Variants in POLR3B observed in about 807,000 individuals in gnomAD.
The protein encoded by POLR3B is RNA polymerase III subunit B, also known as DNA-directed RNA polymerase III subunit RPC2.
A neutral mutation model predicts 147.4 loss-of-function variants in POLR3B; 96 were observed. The ratio of observed to expected loss-of-function variants is 0.65; its 90% confidence interval spans 0.55 to 0.77. POLR3B has a LOEUF of 0.77. POLR3B is among the 30% of genes least tolerant of loss of function. The pLI is 0.00. For missense variants in POLR3B, 1,036 were observed against 1,413.5 expected (o/e 0.73, Z 4.28); for synonymous variants, 461 against 485.9 (o/e 0.95, Z 0.67).
chr12:106,379,940 C>A (rs555232960), intron 8 of POLR3B, 91 bp from the exon 9 acceptor site: 2 of 761,570 alleles, frequency 2.6e-6, no homozygotes, highest in East Asian at 2.6e-5. Flanking sequence ...ATCAGTTGAC[C>A]CTTATTGATT....
intron 23 of POLR3B, among the ~76,000 whole-genome samples, chr12:106,469,839 C>G (rs1377644271): frequency 1.3e-5 from 2 of 152,164 alleles, no homozygotes; most frequent in Non-Finnish European, 2.9e-5. Context: ...TAATGGGGTT[C>G]CCTTTGTGGG....
intron 21 of POLR3B, among the ~76,000 whole-genome samples, chr12:106,458,240 A>G (rs7139249): frequency 0.39 from 59,397 of 151,396 alleles, 13,741 homozygotes; most frequent in African/African-American, 0.65. Flanking sequence ...TCCCACTTCA[A>G]CCTCCTGTAT....
chr12:106,386,882 G>C (rs60817807), intron 9 of POLR3B, among the ~76,000 whole-genome samples: 4,080 of 151,674 alleles, frequency 0.027, 174 homozygotes, highest in African/African-American at 0.095. Context: ...ACTGCAGCCT[G>C]GGCAACAGAG....
At chr12:106,377,476 A>G (rs757166396) in intron 7 of POLR3B, among the ~76,000 whole-genome samples, 1 of 152,166 alleles carries the variant, frequency 6.6e-6, no homozygotes, top group South Asian at 2.1e-4. Flanking sequence ...ACTTTATCCT[A>G]CTCTGAATTG....
At chr12:106,449,244 G>A (rs1439037001) in intron 19 of POLR3B, among the ~76,000 whole-genome samples, 1 of 152,186 alleles carries the variant, frequency 6.6e-6, no homozygotes, top group Non-Finnish European at 1.5e-5. Context: ...GTTTGACTAA[G>A]TTTTGACTAC....
At chr12:106,421,142 T>G (rs2037368748) in intron 12 of POLR3B, among the ~76,000 whole-genome samples, 2 of 152,142 alleles carry the variant, frequency 1.3e-5, no homozygotes, top group African/African-American at 4.8e-5. Context: ...TGTTTTCCAT[T>G]GTGTCAAGAT....
chr12:106,427,372 C>T lies in POLR3B; in HGVS notation c.1263+14C>T, dbSNP rs1173587370. 3 of 1,608,742 alleles carry T rather than the reference C, an allele frequency of 1.9e-6. No homozygotes were observed. Among genetic ancestry groups the T allele is most frequent in the Non-Finnish European group, 2.6e-6 (3 of 1,175,442 alleles). On this transcript the variant is annotated intron_variant, in intron 13 of 27. Transcript: ENST00000228347. ...GCTATTTCTACCGTAAGTCTTCAGTCACTCTTTTAGGATTTTGTAATTTAT... is the reference window on the plus strand; with the variant it reads ...GCTATTTCTACCGTAAGTCTTCAGTTACTCTTTTAGGATTTTGTAATTTAT...
At chr12:106,475,237 G>A (rs1359264902) in intron 23 of POLR3B, among the ~76,000 whole-genome samples, 1 of 117,634 alleles carries the variant, frequency 8.5e-6, no homozygotes, top group Non-Finnish European at 1.7e-5. Flanking sequence ...GAGATAGTTT[G>A]TTATAATTTC....
intron 19 of POLR3B, chr12:106,446,293 T>C: frequency 2.2e-6 from 1 of 455,828 alleles, no homozygotes; most frequent in South Asian, 1.5e-5. Context: ...AATGCCACTC[T>C]TCAGTGTGTT....
At chr12:106,360,267 A>G (rs1010800746) in intron 1 of POLR3B, among the ~76,000 whole-genome samples, 4 of 152,144 alleles carry the variant, frequency 2.6e-5, no homozygotes, top group Non-Finnish European at 4.4e-5. Context: ...ATCTCTGCCT[A>G]TTGCTCTTAG....
intron 6 of POLR3B, among the ~76,000 whole-genome samples, chr12:106,372,504 AT>A (rs999953206): frequency 4.0e-5 from 6 of 149,044 alleles, no homozygotes; most frequent in Non-Finnish European, 4.5e-5. Context: ...CGCCTGGCTA[AT>A]TTTTTTTTTA....
At chr12:106,452,867 A>G (rs1171442771) in intron 19 of POLR3B, among the ~76,000 whole-genome samples, 1 of 152,216 alleles carries the variant, frequency 6.6e-6, no homozygotes, top group Non-Finnish European at 1.5e-5. Context: ...CATAAAAAGT[A>G]TAATAGAATT....
At chr12:106,416,120 T>C (rs781058509) in intron 12 of POLR3B, among the ~76,000 whole-genome samples, 3 of 152,190 alleles carry the variant, frequency 2.0e-5, no homozygotes, top group Non-Finnish European at 4.4e-5. Context: ...TATAAAGGTG[T>C]GGTTTGCTGT....
chr12:106,391,354 C>G (rs905314021), intron 9 of POLR3B, among the ~76,000 whole-genome samples: 3 of 152,160 alleles, frequency 2.0e-5, no homozygotes, highest in African/African-American at 7.2e-5. Context: ...TACGTGCCAC[C>G]TTCACATTTT....
intron 9 of POLR3B, among the ~76,000 whole-genome samples, chr12:106,386,799 C>T (rs554117953): frequency 6.6e-6 from 1 of 151,948 alleles, no homozygotes; most frequent in Non-Finnish European, 1.5e-5. Context: ...CCCAGCTACT[C>T]AGGAGGCTGA....
At chr12:106,420,519 A>G (rs1215503678) in intron 12 of POLR3B, among the ~76,000 whole-genome samples, 8 of 152,176 alleles carry the variant, frequency 5.3e-5, no homozygotes, top group Non-Finnish European at 5.9e-5. Context: ...ACCCAGTGCC[A>G]TTCACTCTCA....
At chr12:106,506,854 G>A (rs2038695821) in intron 27 of POLR3B, among the ~76,000 whole-genome samples, 5 of 152,194 alleles carry the variant, frequency 3.3e-5, no homozygotes, top group Admixed American at 1.3e-4. Flanking sequence ...GCGTAATGAT[G>A]CTGTCATTTT....
At position 106,378,411 on chromosome 12, in the gene POLR3B, A is replaced by T. The variant is rs758798622; in HGVS notation, c.614+27A>T. The stretch of plus-strand genomic sequence containing the variant: ...TATGGAAAGCAGAGATGGTGTCCTT[A>T]AGCAATATTGGTCATTCCATTAGTC... On this transcript the variant is annotated intron_variant, in intron 8 of 27. Coordinates refer to ENST00000228347, the MANE Select transcript of POLR3B (RefSeq NM_018082.6). The T allele has an allele frequency of 2.2e-6, 3 of 1,393,020 alleles. No homozygotes were observed. The African/African-American group carries it at 4.2e-5, about 20-fold the overall frequency. 86.3% of individuals were successfully genotyped at this position (1,393,020 alleles called of 1,614,324 possible).
At chr12:106,478,122 G>T (rs1161266464) in intron 23 of POLR3B, among the ~76,000 whole-genome samples, 1 of 151,770 alleles carries the variant, frequency 6.6e-6, no homozygotes, top group Non-Finnish European at 1.5e-5. Context: ...GCCCAGGCTG[G>T]TCCCAAATTC....
Sources: allele counts gnomAD v4.1 joint callset (sites outside exome capture counted in the v4.1 genomes callset), GRCh38; gene constraint gnomAD v4.1.1; transcripts MANE v1.5; gene names NCBI Gene and HGNC (gene_info 2026-07-23, HGNC 2026-07-21).